CATSPERQ: variants seen among roughly 807,000 people sequenced by gnomAD.
The protein encoded by CATSPERQ is cation channel sperm-associated auxiliary subunit theta.
the CATSPERQ span, chr8:144,354,928 G>GTCCA: frequency 8.4e-7 from 1 of 1,192,710 alleles, no homozygotes. The surrounding 1 kb of genome is among the most constrained non-coding windows in gnomAD (Gnocchi z 4.6). Context: ...CCAGGGAGCG[G>GTCCA]CCCAGGGTGG....
At chr8:144,354,574 T>TGCCCCCCCCCCCCC in the CATSPERQ span, 2 of 322,966 alleles carry the variant, frequency 6.2e-6, no homozygotes, top group Non-Finnish European at 1.1e-5. This position sits in a 1 kb window ranked among gnomAD's most constrained non-coding sequence, Gnocchi z 4.6. Context: ...GCCCCGCCCT[T>TGCCCCCCCCCCCCC]CCCAGCCCCG....
At chr8:144,354,070 C>T in the CATSPERQ span, 8 of 1,535,194 alleles carry the variant, frequency 5.2e-6, no homozygotes, top group African/African-American at 6.8e-5. The surrounding 1 kb of genome is among the most constrained non-coding windows in gnomAD (Gnocchi z 4.6). Context: ...CAGGCGGCGC[C>T]GCGGCAGCGA....
At chr8:144,354,256 C>A in the CATSPERQ span, 1 of 1,538,766 alleles carries the variant, frequency 6.5e-7, no homozygotes, top group East Asian at 2.4e-5. This position sits in a 1 kb window ranked among gnomAD's most constrained non-coding sequence, Gnocchi z 4.6. Flanking sequence ...GGAGCTGAAG[C>A]TGACCAGGAC....
chr8:144,354,885 A>G, the CATSPERQ span: 7 of 1,427,486 alleles, frequency 4.9e-6, no homozygotes, highest in East Asian at 5.0e-5. This position sits in a 1 kb window ranked among gnomAD's most constrained non-coding sequence, Gnocchi z 4.6. Context: ...AGGAAGGAGC[A>G]GGAGCTCACA....
At chr8:144,353,473 C>T in the CATSPERQ span, 2 of 1,535,850 alleles carry the variant, frequency 1.3e-6, no homozygotes, top group Non-Finnish European at 1.7e-6. Flanking sequence ...GCCAGGTAGT[C>T]GAAGTAGTTG....
chr8:144,354,599 G>A, the CATSPERQ span: 4 of 675,390 alleles, frequency 5.9e-6, no homozygotes, highest in African/African-American at 4.7e-5. The surrounding 1 kb of genome is among the most constrained non-coding windows in gnomAD (Gnocchi z 4.6). Context: ...GCCCCGCCCC[G>A]CCCAGCCTCG....
the CATSPERQ span, chr8:144,353,447 G>A: frequency 1.1e-5 from 17 of 1,535,868 alleles, no homozygotes; most frequent in East Asian, 2.4e-5. Flanking sequence ...GGCGAACCAC[G>A]TGCCGGTAGG....
the CATSPERQ span, chr8:144,354,428 G>T: frequency 7.4e-7 from 1 of 1,342,920 alleles, no homozygotes; most frequent in Non-Finnish European, 9.9e-7. The surrounding 1 kb of genome is among the most constrained non-coding windows in gnomAD (Gnocchi z 4.6). Flanking sequence ...TCCGCGCAGG[G>T]CTCGCGGAGG....
At chr8:144,353,299 C>T in the CATSPERQ span, 17 of 1,483,296 alleles carry the variant, frequency 1.1e-5, no homozygotes, top group Non-Finnish European at 1.5e-5. Context: ...CAGAGTGGGG[C>T]TGGGAGGTTA....
the CATSPERQ span, chr8:144,353,460 G>A: frequency 6.5e-7 from 1 of 1,535,950 alleles, no homozygotes; most frequent in East Asian, 2.4e-5. Flanking sequence ...CCGGTAGGAG[G>A]TGGCCAGGTA....
At chr8:144,354,560 CCCCGCCCCGCCCTTCCCAG>C in the CATSPERQ span, 1 of 661,324 alleles carries the variant, frequency 1.5e-6, no homozygotes, top group Non-Finnish European at 2.5e-6. The surrounding 1 kb of genome is among the most constrained non-coding windows in gnomAD (Gnocchi z 4.6). Context: ...CTCCCTCCTC[CCCCGCCCCGCCCTTCCCAG>C]CCCCGCCCCG....
the CATSPERQ span, chr8:144,353,325 C>G: frequency 1.3e-6 from 2 of 1,517,774 alleles, no homozygotes; most frequent in South Asian, 1.2e-5. Flanking sequence ...AACACAGTCC[C>G]GAGGTGGGGG....
At chr8:144,353,988 A>T in the CATSPERQ span, 1 of 1,534,638 alleles carries the variant, frequency 6.5e-7, no homozygotes, top group Non-Finnish European at 8.7e-7. Context: ...CGTAGACCAG[A>T]TGCAAGGGGC....
chr8:144,354,664 C>T, the CATSPERQ span: 3 of 1,534,634 alleles, frequency 2.0e-6, no homozygotes, highest in East Asian at 2.4e-5. This position sits in a 1 kb window ranked among gnomAD's most constrained non-coding sequence, Gnocchi z 4.6. Context: ...GTTCTTGAGG[C>T]GTCTGGCCAG....
the CATSPERQ span, chr8:144,354,578 A>AACCCCCCCCCC: frequency 9.0e-6 from 2 of 221,156 alleles, no homozygotes; most frequent in Non-Finnish European, 1.4e-5. The surrounding 1 kb of genome is among the most constrained non-coding windows in gnomAD (Gnocchi z 4.6). Flanking sequence ...CGCCCTTCCC[A>AACCCCCCCCCC]GCCCCGCCCC....
chr8:144,354,062 G>A, the CATSPERQ span: 51 of 1,535,312 alleles, frequency 3.3e-5, no homozygotes, highest in Non-Finnish European at 4.3e-5. The surrounding 1 kb of genome is among the most constrained non-coding windows in gnomAD (Gnocchi z 4.6). Context: ...TTCAGCACCA[G>A]GCGGCGCCGC....
the CATSPERQ span, chr8:144,354,555 T>TCCCCCCCCCCCCCC: frequency 1.5e-6 from 1 of 681,608 alleles, no homozygotes; most frequent in Non-Finnish European, 2.2e-6. This position sits in a 1 kb window ranked among gnomAD's most constrained non-coding sequence, Gnocchi z 4.6. Context: ...CCCGTCTCCC[T>TCCCCCCCCCCCCCC]CCTCCCCCGC....
the CATSPERQ span, chr8:144,353,861 G>T: frequency 3.3e-6 from 5 of 1,534,464 alleles, no homozygotes; most frequent in Non-Finnish European, 4.4e-6. Context: ...CACCTTCCGT[G>T]GGCTGCGGGG....
At chr8:144,354,793 T>A in the CATSPERQ span, 1 of 1,526,030 alleles carries the variant, frequency 6.6e-7, no homozygotes, top group Admixed American at 2.0e-5. The surrounding 1 kb of genome is among the most constrained non-coding windows in gnomAD (Gnocchi z 4.6). Context: ...GTGGTCAGCC[T>A]GGCCGCTCGT....
Sources: gnomAD v4.1 joint callset for allele counts on GRCh38, gnomAD v4.1.1 for gene constraint, Gnocchi (gnomAD v3.1) non-coding constraint, MANE v1.5 for transcripts, NCBI Gene and HGNC (gene_info 2026-07-23, HGNC 2026-07-21) for gene names.